Variants in RGS7BP observed in about 807,000 individuals in gnomAD.
The protein encoded by RGS7BP is regulator of G protein signaling 7-binding protein.
In RGS7BP, 9 loss-of-function variants were observed where a neutral mutation model predicts 31.3. The observed-to-expected ratio is 0.29, with a 90% CI of 0.17 to 0.50. The LOEUF (loss-of-function observed/expected upper bound fraction) is 0.50. Among genes scored for constraint, RGS7BP ranks in the 20% least tolerant of loss-of-function variants. The probability of loss-of-function intolerance (pLI) is 0.98; values close to 1 mark genes in which losing one functional copy is unlikely to be tolerated. For synonymous variants in RGS7BP, 115 were observed against 120.1 expected, an observed-to-expected ratio of 0.96 and a Z score of 0.28; for missense variants, 274 against 322.0, an observed-to-expected ratio of 0.85 and a Z score of 1.14.
intron 2 of RGS7BP, among the ~76,000 whole-genome samples, chr5:64,534,631 G>C (rs916388682): frequency 6.6e-6 from 1 of 152,118 alleles, no homozygotes; most frequent in Non-Finnish European, 1.5e-5. Flanking sequence ...GGGAGGTCTA[G>C]GTGAGGTACC....
chr5:64,588,065 T>TA (rs1742806762), intron 3 of RGS7BP, among the ~76,000 whole-genome samples: 1 of 152,194 alleles, frequency 6.6e-6, no homozygotes, highest in South Asian at 2.1e-4. Flanking sequence ...TTAAAAGTGA[T>TA]AAAAAATTTA....
intron 2 of RGS7BP, among the ~76,000 whole-genome samples, chr5:64,570,072 T>A (rs1476685216): frequency 6.6e-6 from 1 of 152,082 alleles, no homozygotes; most frequent in African/African-American, 2.4e-5. Flanking sequence ...GTCAATGAGG[T>A]CACACTTTTT....
intron 2 of RGS7BP, among the ~76,000 whole-genome samples, chr5:64,513,707 C>T (rs117361392): frequency 6.6e-5 from 10 of 152,298 alleles, no homozygotes; most frequent in East Asian, 5.8e-4. Flanking sequence ...CAGCCTCTGC[C>T]GTTAGTAAAA....
chr5:64,506,544 C>A lies in RGS7BP; in HGVS notation c.-81C>A. The stretch of plus-strand genomic sequence containing the variant: ...TCAGGTCCGGGCTCCGGCTGCTTGG[C>A]GGCGGCGCCCAGGGCAACAACCGGG... On this transcript the variant is annotated 5_prime_UTR_variant, in exon 1 of 6. Transcript: ENST00000334025. This position sits in a 1 kb window ranked among gnomAD's most constrained non-coding sequence, Gnocchi z 4.6. The A allele has an allele frequency of 1.5e-6, 2 of 1,320,658 alleles. No homozygotes were observed. The highest frequency in any genetic ancestry group is 1.5e-5 in the African/African-American group (1 of 67,588). 81.8% of individuals were successfully genotyped at this position (1,320,658 alleles called of 1,614,324 possible). A position where few individuals can be genotyped will look rare whatever the true frequency, so the allele number is the denominator to read the frequency against.
chr5:64,577,265 A>T (rs1252750854), intron 3 of RGS7BP, among the ~76,000 whole-genome samples: 1 of 151,846 alleles, frequency 6.6e-6, no homozygotes, highest in Non-Finnish European at 1.5e-5. Context: ...GGTGAAACCC[A>T]GTCTCTACTA....
intron 3 of RGS7BP, among the ~76,000 whole-genome samples, chr5:64,581,012 G>A (rs1180729383): frequency 1.3e-5 from 2 of 152,042 alleles, no homozygotes; most frequent in Admixed American, 6.5e-5. Context: ...CCAGGAATTT[G>A]AGACCAGCCT....
intron 2 of RGS7BP, among the ~76,000 whole-genome samples, chr5:64,562,068 A>G (rs1742068942): frequency 6.6e-6 from 1 of 152,200 alleles, no homozygotes; most frequent in South Asian, 2.1e-4. Context: ...GTTTTCTATC[A>G]CTATTCAGAA....
intron 2 of RGS7BP, among the ~76,000 whole-genome samples, chr5:64,535,572 G>T (rs893957802): frequency 6.6e-6 from 1 of 152,156 alleles, no homozygotes; most frequent in African/African-American, 2.4e-5. Flanking sequence ...AGAAAGAAAG[G>T]TTGATTATTA....
At chr5:64,551,106 T>G (rs1741783351) in intron 2 of RGS7BP, among the ~76,000 whole-genome samples, 1 of 151,830 alleles carries the variant, frequency 6.6e-6, no homozygotes, top group Non-Finnish European at 1.5e-5. Flanking sequence ...ACAAGTCATT[T>G]CTACCTACTC....
intron 2 of RGS7BP, among the ~76,000 whole-genome samples, chr5:64,574,656 A>G (rs1018782892): frequency 6.6e-6 from 1 of 152,214 alleles, no homozygotes; most frequent in African/African-American, 2.4e-5. Flanking sequence ...ACTCTTGCTC[A>G]TCGACTAAAT....
chr5:64,540,542 A>G (rs1741502521), intron 2 of RGS7BP, among the ~76,000 whole-genome samples: 1 of 152,172 alleles, frequency 6.6e-6, no homozygotes, highest in South Asian at 2.1e-4. Flanking sequence ...ATAAAACTTT[A>G]TAAATATGTC....
At chr5:64,525,921 A>G (rs554259528) in intron 2 of RGS7BP, among the ~76,000 whole-genome samples, 44 of 152,326 alleles carry the variant, frequency 2.9e-4, no homozygotes, top group African/African-American at 1.0e-3. Flanking sequence ...TCCAGATCAC[A>G]GGAAGGACAG....
At chr5:64,533,909 G>A (rs1749438982) in intron 2 of RGS7BP, among the ~76,000 whole-genome samples, 1 of 152,220 alleles carries the variant, frequency 6.6e-6, no homozygotes, top group Admixed American at 6.5e-5. Flanking sequence ...AAGCAGACAT[G>A]ACTTACACTT....
intron 2 of RGS7BP, among the ~76,000 whole-genome samples, chr5:64,556,349 GATTTAAAGTGGA>G: frequency 1.6e-5 from 1 of 63,390 alleles, no homozygotes; most frequent in South Asian, 5.1e-4. Flanking sequence ...AAGTGGAAAT[GATTTAAAGTGGA>G]AAAATGTTTA....
In RGS7BP at chr5:64,611,762, C is replaced by T. The variant is rs1421391701; in HGVS notation, c.*2510C>T. On this transcript the variant is annotated 3_prime_UTR_variant, in exon 6 of 6. Coordinates refer to ENST00000334025, the MANE Select transcript of RGS7BP (RefSeq NM_001029875.3). Reference sequence around the variant, plus strand: ...TAGTGCTCAAAACCCTGGTAACCTACACTGGCCCAAGGTTACAGTAGGTAA... The same window carrying T: ...TAGTGCTCAAAACCCTGGTAACCTATACTGGCCCAAGGTTACAGTAGGTAA... The T allele has an allele frequency of 6.6e-6, 1 of 152,234 alleles. No homozygotes were observed. The highest frequency in any genetic ancestry group is 6.6e-5 in the Admixed American group (1 of 15,190). The allele number at this position is 152,234 out of a possible 1,614,324, so 9.4% of individuals were successfully genotyped here. A position where few individuals can be genotyped will look rare whatever the true frequency, so the allele number is the denominator to read the frequency against.
chr5:64,551,679 CG>C (rs1246054034), intron 2 of RGS7BP, among the ~76,000 whole-genome samples: 1 of 150,170 alleles, frequency 6.7e-6, no homozygotes, highest in Non-Finnish European at 1.5e-5. Flanking sequence ...AGCTTCTGGC[CG>C]TTTTTAGGTC....
intron 2 of RGS7BP, among the ~76,000 whole-genome samples, chr5:64,525,299 A>C (rs1430600004): frequency 6.6e-6 from 1 of 152,158 alleles, no homozygotes; most frequent in African/African-American, 2.4e-5. Context: ...TCAGCAATCT[A>C]AGGCAAGGAA....
rs1005498054 is a variant in RGS7BP at position 64,610,119 on chromosome 5, A to G, written c.*867A>G. 21 of 152,440 alleles carry G rather than the reference A, an allele frequency of 1.4e-4. No individual in the cohort carries two copies. Among genetic ancestry groups the G allele is most frequent in the Non-Finnish European group, 2.9e-5 (2 of 67,938 alleles). The allele number at this position is 152,440 out of a possible 1,614,324, so 9.4% of individuals were successfully genotyped here. On this transcript the variant is annotated 3_prime_UTR_variant, in exon 6 of 6. Coordinates refer to ENST00000334025, the MANE Select transcript of RGS7BP (RefSeq NM_001029875.3). ...GCACATCAGCATAGTGTTAAATCTT[A>G]TAGGGCATGCTGGAATTAGCTCAGA...
Position 64,600,072 on chromosome 5 carries a change from C to A in RGS7BP, c.682+1637C>A, listed in dbSNP as rs572923623. Reference sequence around the variant, plus strand: ...CTGCTACCACTCACTCTGCAACAGACCACGTGTAGTGTATATGTCAGGCTG... The same window carrying A: ...CTGCTACCACTCACTCTGCAACAGAACACGTGTAGTGTATATGTCAGGCTG... On this transcript the variant is annotated intron_variant, in intron 5 of 5. Transcript: ENST00000334025. Among the ~76,000 whole-genome samples the A allele has an allele frequency of 5.3e-5, 8 of 152,326 alleles. No homozygotes were observed. The East Asian group carries it at 1.5e-3, about 29-fold the overall frequency.
Sources: gnomAD v4.1 joint callset for allele counts (sites outside exome capture counted in the v4.1 genomes callset) on GRCh38, gnomAD v4.1.1 for gene constraint, Gnocchi (gnomAD v3.1) non-coding constraint, MANE v1.5 for transcripts, NCBI Gene and HGNC (gene_info 2026-07-23, HGNC 2026-07-21) for gene names.